Variants in NCOR2 observed in about 807,000 individuals in gnomAD.
NCOR2 encodes the protein CTG repeat protein 26.
A neutral mutation model predicts 262.9 loss-of-function variants in NCOR2; 81 were observed. The ratio of observed to expected loss-of-function variants is 0.31; its 90% CI spans 0.26 to 0.37. The LOEUF (loss-of-function observed/expected upper bound fraction) is 0.37, where lower values mean the gene tolerates loss of function less well. Among genes scored for constraint, NCOR2 ranks in the 10% least tolerant of loss-of-function variants. The pLI is 1.00. For missense variants in NCOR2, 3,385 were observed against 3,621.4 expected (o/e 0.93, Z 1.68); for synonymous variants, 1,659 against 1,559.3 (o/e 1.06, Z -1.51).
At chr12:124,511,122 G>A (rs1453712553) in intron 1 of NCOR2, among the ~76,000 whole-genome samples, 4 of 152,254 alleles carry the variant, frequency 2.6e-5, no homozygotes, top group Non-Finnish European at 4.4e-5. Flanking sequence ...AGACCAGTTT[G>A]CAAACAGAGA....
chr12:124,335,063 C>A, intron 40 of NCOR2, 72 bp downstream of exon 42: 2 of 1,607,224 alleles, frequency 1.2e-6, no homozygotes. Context: ...CTGTGGGGTT[C>A]CCCATCCCCT....
At position 124,402,615 on chromosome 12, in the gene NCOR2, A is replaced by C. The variant is rs1246975350; in HGVS notation, c.1483-54T>G. On this transcript the variant is annotated intron_variant, in intron 13 of 46. Coordinates refer to ENST00000405201, the Ensembl canonical transcript of NCOR2. ...GAGTGGGGAGGGAAGAAAACCGTGA[A>C]CAGGTGAATCTCTGCACCTGGGCTC... 11 of 1,542,164 alleles carry C rather than the reference A, an allele frequency of 7.1e-6. No homozygotes were observed. In the African/African-American group the frequency reaches 1.5e-4, roughly 21 times the overall value.
At chr12:124,460,382 C>A (rs548521933) in intron 5 of NCOR2, among the ~76,000 whole-genome samples, 1 of 152,222 alleles carries the variant, frequency 6.6e-6, no homozygotes, top group African/African-American at 2.4e-5. Context: ...CTCTCCACGT[C>A]GCTGCAGCTG....
chr12:124,339,219 A>ACCCCCCCCCC (rs1555300759), intron 37 of NCOR2, among the ~76,000 whole-genome samples: 1 of 63,316 alleles, frequency 1.6e-5, no homozygotes, highest in Non-Finnish European at 2.9e-5. Context: ...TCTACCTACC[A>ACCCCCCCCCC]CCCACCCACC....
intron 1 of NCOR2, among the ~76,000 whole-genome samples, chr12:124,550,798 C>A (rs1176861614): frequency 6.6e-6 from 1 of 152,206 alleles, no homozygotes; most frequent in Non-Finnish European, 1.5e-5. Flanking sequence ...CCCAGCAAAG[C>A]CCCCGTGGAG....
intron 1 of NCOR2, chr12:124,514,575 G>GGT (rs1212128434): frequency 3.9e-5 from 6 of 152,242 alleles, no homozygotes; most frequent in Non-Finnish European, 7.3e-5. Flanking sequence ...GGCCGGGTGT[G>GGT]GTGGCTCATG....
intron 10 of NCOR2, chr12:124,429,335 C>T: frequency 4.1e-6 from 2 of 482,596 alleles, no homozygotes; most frequent in Admixed American, 3.6e-5. Flanking sequence ...GTCCCCCAAC[C>T]CCCTCCCTGT....
rs188497676 is a variant in NCOR2 at position 124,463,688 on chromosome 12, C to T, written c.705+2485G>A. 2.3e-3 allele frequency among the ~76,000 whole-genome samples: 357 copies of T among 152,338 alleles called. 2 individuals are homozygous for T. The highest frequency in any genetic ancestry group is 8.2e-3 in the African/African-American group (342 of 41,576). ...TCCAGGAACCAGCAGGGAAGGAAGG[C>T]GGATTAAAATTTAATCCTACTGATC... On this transcript the variant is annotated intron_variant, in intron 5 of 46. Coordinates refer to ENST00000405201, the Ensembl canonical transcript of NCOR2.
At chr12:124,399,448 C>T (rs1454827466) in intron 15 of NCOR2, among the ~76,000 whole-genome samples, 1 of 152,204 alleles carries the variant, frequency 6.6e-6, no homozygotes, top group African/African-American at 2.4e-5. Flanking sequence ...CCTGGGCCTC[C>T]AAGTACACCG....
In NCOR2 at chr12:124,371,287, C is replaced by T. The variant is rs1206494137; in HGVS notation, c.2807+735G>A. On this transcript the variant is annotated intron_variant, in intron 20 of 46. Coordinates refer to ENST00000405201, the Ensembl canonical transcript of NCOR2. Reference sequence around the variant, plus strand: ...GAATCCACCAAGCTCATTCCCACCTCGGGCCTTCGCACTTGCTGTTCCCAC... The same window carrying T: ...GAATCCACCAAGCTCATTCCCACCTTGGGCCTTCGCACTTGCTGTTCCCAC... 3.3e-5 allele frequency among the ~76,000 whole-genome samples: 5 copies of T among 151,910 alleles called. No homozygotes were observed. In the East Asian group the frequency reaches 7.8e-4, roughly 24 times the overall value.
chr12:124,354,682 C>T (rs911935319), intron 25 of NCOR2, 100 bp from the exon 28 acceptor site: 2 of 1,327,670 alleles, frequency 1.5e-6, no homozygotes, highest in East Asian at 2.5e-5. Context: ...AGCGCTGCCC[C>T]TCCCCACCAT....
At chr12:124,343,527 C>T (rs1382523051) in intron 32 of NCOR2, among the ~76,000 whole-genome samples, 2 of 152,218 alleles carry the variant, frequency 1.3e-5, no homozygotes, top group African/African-American at 4.8e-5. Context: ...ACAGAAATCC[C>T]AGCCCTCACA....
intron 20 of NCOR2, among the ~76,000 whole-genome samples, chr12:124,365,449 C>T (rs544524180): frequency 1.3e-5 from 2 of 152,226 alleles, no homozygotes; most frequent in Non-Finnish European, 2.9e-5. Flanking sequence ...TGAGCAGGGC[C>T]GATGCCCAGG....
rs200049526 is a variant in NCOR2 at position 124,372,128 on chromosome 12, C to T, written c.2701G>A (p.Gly901Ser). 1.4e-5 allele frequency: 23 copies of T among 1,601,658 alleles called. 1 individual carries two copies. Among genetic ancestry groups the T allele is most frequent in the South Asian group, 1.4e-4 (13 of 90,986 alleles). ...GAGCTCTTGGCTGTGGTGGCCCTGC[C>T]GCTCCCGCCCTCCTTCTTCTCTGCC... is the stretch of plus-strand genomic sequence containing the variant. The change falls in exon 20 of 47, where the codon GGC (glycine) becomes AGC (serine). Residue 901 changes from glycine (G) to serine (S), a missense_variant. Transcript: ENST00000405201.
chr12:124,524,254 A>G (rs978265768), intron 1 of NCOR2, among the ~76,000 whole-genome samples: 1 of 152,216 alleles, frequency 6.6e-6, no homozygotes, highest in African/African-American at 2.4e-5. Flanking sequence ...GAAAACCATC[A>G]GAATACCCAG....
intron 43 of NCOR2, 89 bp downstream of exon 45, chr12:124,332,230 T>C: frequency 1.3e-6 from 2 of 1,531,208 alleles, no homozygotes; most frequent in Non-Finnish European, 1.8e-6. Flanking sequence ...GCACCGTGGG[T>C]TTCTGCCACT....
chr12:124,549,534 GC>G lies in NCOR2; in HGVS notation c.-164-13924del, dbSNP rs891467551. Reference sequence around the variant, plus strand: ...CACAGAGAAGGTACCAAGGGCTTCTGCCCCAGCGCCGGGGCACAGCGGGCTG... The same window carrying G: ...CACAGAGAAGGTACCAAGGGCTTCTGCCCAGCGCCGGGGCACAGCGGGCTG... On this transcript the variant is annotated intron_variant, in intron 1 of 32. Transcript: ENST00000458234. This position sits in a 1 kb window ranked among gnomAD's most constrained non-coding sequence, Gnocchi z 4.4. 1.6e-4 allele frequency among the ~76,000 whole-genome samples: 24 copies of G among 152,078 alleles called. No individual in the cohort carries two copies. Among genetic ancestry groups the G allele is most frequent in the African/African-American group, 5.8e-4 (24 of 41,408 alleles).
At chr12:124,399,362 C>T (rs529495260) in intron 15 of NCOR2, among the ~76,000 whole-genome samples, 1 of 152,272 alleles carries the variant, frequency 6.6e-6, no homozygotes, top group African/African-American at 2.4e-5. Context: ...TTCCACCCTG[C>T]GGCTGAGCCC....
At position 124,330,909 on chromosome 12, in the gene NCOR2, G is replaced by A; in HGVS notation, c.6905-11C>T. ...CAGGCTGGCTGATATCTGGAAGCGG[G>A]TGACAGAGTGGGTGAGGCCCCCAGG... is the stretch of plus-strand genomic sequence containing the variant. On this transcript the variant is annotated splice_polypyrimidine_tract_variant and intron_variant, in intron 43 of 46. Transcript: ENST00000405201. 1.9e-6 allele frequency: 3 copies of A among 1,576,520 alleles called. No individual in the cohort carries two copies. The highest frequency in any genetic ancestry group is 2.6e-6 in the Non-Finnish European group (3 of 1,160,748).
Sources: allele counts gnomAD v4.1 joint callset (sites outside exome capture counted in the v4.1 genomes callset), GRCh38; gene constraint gnomAD v4.1.1; non-coding constraint Gnocchi (gnomAD v3.1); transcripts MANE v1.5; gene names NCBI Gene and HGNC (gene_info 2026-07-23, HGNC 2026-07-21).